The following KCNQ3 variants were observed in gnomAD, a reference collection of about 807,000 sequenced individuals.
KCNQ3 encodes potassium voltage-gated channel subfamily Q member 3, also known as potassium voltage-gated channel subfamily KQT member 3.
Under a neutral mutation model 92.5 loss-of-function variants are expected in KCNQ3, and 30 were observed. The observed-to-expected ratio is 0.32, with a 90% CI of 0.24 to 0.44. The LOEUF is 0.44. KCNQ3 is among the 20% of genes least tolerant of loss of function. The probability of loss-of-function intolerance (pLI) is 1.00; values close to 1 mark genes in which losing one functional copy is unlikely to be tolerated. For missense variants in KCNQ3, 913 were observed against 1,140.3 expected (o/e 0.80, Z 2.87); for synonymous variants, 450 against 468.8 (o/e 0.96, Z 0.52).
At chr8:132,249,393 T>A (rs1314493785) in intron 1 of KCNQ3, among the ~76,000 whole-genome samples, 1 of 152,160 alleles carries the variant, frequency 6.6e-6, no homozygotes, top group East Asian at 1.9e-4. Flanking sequence ...GACACAAAAG[T>A]TCTCTAAGTC....
rs1826968499 is a variant in KCNQ3, at chr8:132,186,770, G to C, written c.387-589C>G. On this transcript the variant is annotated intron_variant, in intron 1 of 14. Coordinates refer to ENST00000388996, the MANE Select transcript of KCNQ3 (RefSeq NM_004519.4). ...TGTTTTTGAAATGCTAGAAAGAAGA[G>C]GAACTACCACACTGAAGCATGCAGA... 2.6e-5 allele frequency among the ~76,000 whole-genome samples: 4 copies of C among 152,244 alleles called. No homozygotes were observed. The South Asian group carries it at 8.3e-4, about 32-fold the overall frequency.
chr8:132,174,421 A>C, intron 5 of KCNQ3, 72 bp from the exon 6 acceptor site: 6 of 1,142,600 alleles, frequency 5.3e-6, no homozygotes, highest in Non-Finnish European at 7.7e-6. Context: ...ACTGAGCTCT[A>C]CCTGTAAGCC....
chr8:132,289,307 T>C (rs1042318614), intron 1 of KCNQ3, among the ~76,000 whole-genome samples: 3 of 152,172 alleles, frequency 2.0e-5, no homozygotes, highest in African/African-American at 7.2e-5. Context: ...ATCAATAATT[T>C]CAGTATAAAG....
intron 3 of KCNQ3, among the ~76,000 whole-genome samples, chr8:132,180,840 A>AG (rs1447956439): frequency 7.2e-6 from 1 of 138,860 alleles, no homozygotes; most frequent in Admixed American, 6.9e-5. Flanking sequence ...AATGTTAAAA[A>AG]AAAAAAAAAA....
chr8:132,213,633 G>T (rs1264531048), intron 1 of KCNQ3, among the ~76,000 whole-genome samples: 1 of 152,166 alleles, frequency 6.6e-6, no homozygotes, highest in Admixed American at 6.5e-5. Context: ...GTTCCTCCCT[G>T]GCTCAAAGGC....
At chr8:132,365,413 G>A (rs1050254149) in intron 1 of KCNQ3, among the ~76,000 whole-genome samples, 1 of 152,196 alleles carries the variant, frequency 6.6e-6, no homozygotes, top group African/African-American at 2.4e-5. Context: ...AATGAGCGTG[G>A]GTGCCTGTGC....
chr8:132,449,554 A>G (rs758067346), intron 1 of KCNQ3, among the ~76,000 whole-genome samples: 1 of 151,864 alleles, frequency 6.6e-6, no homozygotes, highest in Non-Finnish European at 1.5e-5. Flanking sequence ...CTAGACCCCC[A>G]CAGGAAAACA....
chr8:132,410,365 G>C (rs905252228), intron 1 of KCNQ3, among the ~76,000 whole-genome samples: 2 of 152,192 alleles, frequency 1.3e-5, no homozygotes, highest in African/African-American at 2.4e-5. Context: ...CCAAGAATTT[G>C]GAACAAGATA....
At chr8:132,304,530 A>G (rs557761221) in intron 1 of KCNQ3, among the ~76,000 whole-genome samples, 2 of 152,318 alleles carry the variant, frequency 1.3e-5, no homozygotes, top group Admixed American at 6.5e-5. Context: ...TGTCCAATAC[A>G]GTAACCCTAA....
intron 1 of KCNQ3, among the ~76,000 whole-genome samples, chr8:132,352,294 A>G (rs1818897358): frequency 6.6e-6 from 1 of 152,060 alleles, no homozygotes; most frequent in Non-Finnish European, 1.5e-5. Context: ...CCCCCCAAGG[A>G]GCATTCAGCG....
intron 1 of KCNQ3, among the ~76,000 whole-genome samples, chr8:132,312,124 G>A (rs1224502187): frequency 2.6e-5 from 4 of 152,164 alleles, no homozygotes; most frequent in Admixed American, 2.6e-4. Context: ...TTCAGAAGGA[G>A]CGTGGCTCTG....
At chr8:132,203,976 C>T (rs1039287801) in intron 1 of KCNQ3, among the ~76,000 whole-genome samples, 2 of 152,186 alleles carry the variant, frequency 1.3e-5, no homozygotes, top group East Asian at 1.9e-4. Context: ...CCAAGAGACA[C>T]TATATTTCAT....
At position 132,216,532 on chromosome 8, in the gene KCNQ3, G is replaced by A. The variant is rs191361685; in HGVS notation, c.387-30351C>T. The stretch of plus-strand genomic sequence containing the variant: ...CAGCCTCCCACCAGTGGCACAATGC[G>A]TTGGAACCAATTCCACTTGGATCCC... On this transcript the variant is annotated intron_variant, in intron 1 of 14. Transcript: ENST00000388996. Among the ~76,000 whole-genome samples, 19 of 152,292 alleles carry A rather than the reference G, an allele frequency of 1.2e-4. 1 individual carries two copies. The highest frequency in any genetic ancestry group is 2.9e-4 in the African/African-American group (12 of 41,558).
At chr8:132,269,564 G>A (rs1051996485) in intron 1 of KCNQ3, among the ~76,000 whole-genome samples, 2 of 152,160 alleles carry the variant, frequency 1.3e-5, no homozygotes, top group African/African-American at 2.4e-5. Flanking sequence ...TCCACACATT[G>A]AAAGACATGT....
At chr8:132,156,037 C>G (rs892335662) in intron 9 of KCNQ3, among the ~76,000 whole-genome samples, 1 of 152,096 alleles carries the variant, frequency 6.6e-6, no homozygotes, top group Non-Finnish European at 1.5e-5. Flanking sequence ...GAGGATGATT[C>G]CAGGACATTT....
chr8:132,275,443 G>C (rs561815890), intron 1 of KCNQ3, among the ~76,000 whole-genome samples: 9 of 152,242 alleles, frequency 5.9e-5, no homozygotes, highest in Non-Finnish European at 1.2e-4. Flanking sequence ...GGGGTTCCAA[G>C]CACAATCCAG....
chr8:132,368,996 G>GT (rs1819399810), intron 1 of KCNQ3, among the ~76,000 whole-genome samples: 1 of 152,144 alleles, frequency 6.6e-6, no homozygotes, highest in African/African-American at 2.4e-5. Context: ...GACTATGACA[G>GT]TTTTTTAACT....
At chr8:132,186,274 G>A in intron 1 of KCNQ3, 93 bp from the exon 2 acceptor site, 1 of 851,242 alleles carries the variant, frequency 1.2e-6, no homozygotes, top group Non-Finnish European at 2.0e-6. Context: ...GGATGAAGCT[G>A]CAACTTCTGC....
At position 132,121,498 on chromosome 8, in the gene KCNQ3, C is replaced by T. The variant is rs561557832; in HGVS notation, c.*7764G>A. On this transcript the variant is annotated 3_prime_UTR_variant, in exon 15 of 15. Coordinates refer to ENST00000388996, the MANE Select transcript of KCNQ3 (RefSeq NM_004519.4). ...ACTTGGCCACCACCTGGACTCTTAA[C>T]CCTCAGGGGAACTATGGGGGTGGGA... is the stretch of plus-strand genomic sequence containing the variant. 1 of 152,198 alleles carries T rather than the reference C, an allele frequency of 6.6e-6. No homozygotes were observed. Among genetic ancestry groups the T allele is most frequent in the Admixed American group, 6.5e-5 (1 of 15,284 alleles). 9.4% of individuals were successfully genotyped at this position (152,198 alleles called of 1,614,324 possible).
Sources: gnomAD v4.1 joint callset for allele counts (sites outside exome capture counted in the v4.1 genomes callset) on GRCh38, gnomAD v4.1.1 for gene constraint, MANE v1.5 for transcripts, NCBI Gene and HGNC (gene_info 2026-07-23, HGNC 2026-07-21) for gene names.